Variants in ANO3 observed in about 807,000 individuals in gnomAD.
ANO3 encodes anoctamin 3, also known as anoctamin-3.
ANO3 carries 99 observed loss-of-function variants against 144.8 expected under a neutral mutation model. That is an observed-to-expected ratio of 0.68 (90% CI 0.58 to 0.81). The LOEUF (loss-of-function observed/expected upper bound fraction) is 0.81, where lower values mean the gene tolerates loss of function less well. ANO3 is among the 30% of genes least tolerant of loss of function. The pLI, the probability that ANO3 is intolerant of heterozygous loss-of-function variation, is 0.00. For missense variants in ANO3, 905 were observed against 1,202.2 expected (o/e 0.75, Z 3.66); for synonymous variants, 414 against 392.6 (o/e 1.05, Z -0.64).
chr11:26,483,437 G>C (rs770597493), intron 4 of ANO3, among the ~76,000 whole-genome samples: 1 of 152,094 alleles, frequency 6.6e-6, no homozygotes, highest in Non-Finnish European at 1.5e-5. Context: ...TCCCCTTGCT[G>C]TTCTCATGAT....
At chr11:26,336,249 T>C (rs1855189766) in intron 1 of ANO3, among the ~76,000 whole-genome samples, 1 of 152,162 alleles carries the variant, frequency 6.6e-6, no homozygotes, top group Admixed American at 6.5e-5. Context: ...TGGCTTCTGG[T>C]GGCTGCTCTT....
intron 13 of ANO3, among the ~76,000 whole-genome samples, chr11:26,558,436 A>G (rs1850154332): frequency 6.6e-6 from 1 of 152,104 alleles, no homozygotes; most frequent in Non-Finnish European, 1.5e-5. Flanking sequence ...TGAGAAACAA[A>G]AATTCTTGAC....
rs10694750 is a variant in ANO3, at chr11:26,235,002, A to AAGAGAGAGAG, written c.154+45686_154+45695dup. ...GTTAGACAGAGAGAGAGAGAAAAGA[A>AAGAGAGAGAG]AGAGAGAGAGAGAGAGAGAGAGATG... On this transcript the variant is annotated intron_variant, in intron 1 of 27. Coordinates refer to the ANO3 transcript ENST00000672621. 2.9e-3 allele frequency among the ~76,000 whole-genome samples: 400 copies of AAGAGAGAGAG among 140,248 alleles called. 6 individuals are homozygous for AAGAGAGAGAG. The highest frequency in any genetic ancestry group is 6.8e-3 in the African/African-American group (270 of 39,460). The allele number at this position is 140,248 out of a possible 152,430, so 92.0% of individuals were successfully genotyped here.
At chr11:26,333,432 C>T (rs1013449926) in intron 1 of ANO3, among the ~76,000 whole-genome samples, 3 of 152,020 alleles carry the variant, frequency 2.0e-5, no homozygotes. Context: ...CAGGCGCCCG[C>T]CACCAAGCCC....
At chr11:26,509,814 A>G (rs1202524287) in intron 5 of ANO3, among the ~76,000 whole-genome samples, 1 of 126,834 alleles carries the variant, frequency 7.9e-6, no homozygotes, top group African/African-American at 2.5e-5. Context: ...CACATTAGGA[A>G]GTACTAAACT....
chr11:26,394,570 C>CTTTTTTT (rs56118844), intron 1 of ANO3, among the ~76,000 whole-genome samples: 70 of 115,688 alleles, frequency 6.1e-4, no homozygotes, highest in Non-Finnish European at 7.5e-4. Flanking sequence ...ATTTCATTTT[C>CTTTTTTT]TTTTTTTTTT....
At chr11:26,537,034 GGGGACT>G (rs1470410861) in intron 9 of ANO3, among the ~76,000 whole-genome samples, 1 of 149,902 alleles carries the variant, frequency 6.7e-6, no homozygotes, top group Non-Finnish European at 1.5e-5. Context: ...GGTAGGGGAC[GGGGACT>G]GGGTGGGATA....
intron 18 of ANO3, among the ~76,000 whole-genome samples, chr11:26,626,344 A>C (rs138630317): frequency 1.4e-4 from 21 of 152,348 alleles, no homozygotes; most frequent in African/African-American, 5.0e-4. Context: ...GCAGGACTGG[A>C]TAAGGAGAGC....
chr11:26,343,692 A>G (rs780648307), intron 1 of ANO3, among the ~76,000 whole-genome samples: 3 of 152,246 alleles, frequency 2.0e-5, no homozygotes, highest in Non-Finnish European at 2.9e-5. Context: ...ACTGGAGTGT[A>G]GAGTTCAAGT....
chr11:26,365,484 C>A (rs543317176), intron 1 of ANO3, among the ~76,000 whole-genome samples: 67 of 152,232 alleles, frequency 4.4e-4, no homozygotes, highest in Non-Finnish European at 6.0e-4. Flanking sequence ...GAGGGCTCCA[C>A]CCCTGCAGCA....
At chr11:26,413,843 AT>A (rs1241474229) in intron 1 of ANO3, among the ~76,000 whole-genome samples, 6 of 152,096 alleles carry the variant, frequency 3.9e-5, no homozygotes, top group Non-Finnish European at 7.4e-5. Flanking sequence ...ACCTCCTTGC[AT>A]TTATTGGCAG....
intron 14 of ANO3, among the ~76,000 whole-genome samples, chr11:26,582,726 TTTAA>T (rs1851168129): frequency 1.3e-5 from 2 of 152,180 alleles, no homozygotes; most frequent in Admixed American, 6.5e-5. Context: ...TCTTTATACT[TTTAA>T]TTAATTATTT....
At chr11:26,460,182 C>T (rs1297545004) in intron 3 of ANO3, 1 of 377,850 alleles carries the variant, frequency 2.6e-6, no homozygotes, top group Admixed American at 3.4e-5. Flanking sequence ...TATTTGTTTT[C>T]TTAGTTAATT....
intron 14 of ANO3, chr11:26,565,572 G>C (rs373475755): frequency 5.8e-5 from 93 of 1,613,246 alleles, no homozygotes; most frequent in Non-Finnish European, 7.3e-5. Context: ...ACTGCCCAAA[G>C]AATGCTCTGC....
chr11:26,518,913 T>C (rs1861962019), intron 6 of ANO3, among the ~76,000 whole-genome samples: 1 of 152,156 alleles, frequency 6.6e-6, no homozygotes, highest in Admixed American at 6.5e-5. Context: ...AGTTATTTTC[T>C]TTATACTCTT....
intron 4 of ANO3, among the ~76,000 whole-genome samples, chr11:26,471,085 AT>A (rs1316318603): frequency 1.3e-5 from 2 of 151,988 alleles, no homozygotes; most frequent in Non-Finnish European, 2.9e-5. Flanking sequence ...TTTCACAATA[AT>A]TCAATGACAT....
At chr11:26,537,010 T>TGA (rs1849527950) in intron 9 of ANO3, among the ~76,000 whole-genome samples, 1 of 151,280 alleles carries the variant, frequency 6.6e-6, no homozygotes. Context: ...CTTTAAATTT[T>TGA]TTTTTTTTTT....
At chr11:26,529,782 A>G (rs925266433) in intron 7 of ANO3, among the ~76,000 whole-genome samples, 1 of 151,988 alleles carries the variant, frequency 6.6e-6, no homozygotes, top group African/African-American at 2.4e-5. Context: ...TCTGGAGTCA[A>G]TAGCTTTCTT....
At chr11:26,252,260 G>A (rs1389344543) in intron 1 of ANO3, among the ~76,000 whole-genome samples, 1 of 152,106 alleles carries the variant, frequency 6.6e-6, no homozygotes, top group African/African-American at 2.4e-5. Context: ...ATACACAAAC[G>A]CATCATAAGA....
Sources: gnomAD v4.1 joint callset for allele counts (sites outside exome capture counted in the v4.1 genomes callset) on GRCh38, gnomAD v4.1.1 for gene constraint, MANE v1.5 for transcripts, NCBI Gene and HGNC (gene_info 2026-07-23, HGNC 2026-07-21) for gene names.